Variants in GRIP1 observed in about 807,000 individuals in gnomAD.
GRIP1 encodes the protein glutamate receptor interacting protein 1.
In GRIP1, 45 loss-of-function variants were observed where a neutral mutation model predicts 129.9. That is an observed-to-expected ratio of 0.35 (90% CI 0.27 to 0.44). The LOEUF (loss-of-function observed/expected upper bound fraction) is 0.44, where lower values mean the gene tolerates loss of function less well. Ranked by LOEUF, GRIP1 falls within the 20% of genes least tolerant of loss-of-function variation. The pLI, the probability that GRIP1 is intolerant of heterozygous loss-of-function variation, is 1.00. For synonymous variants in GRIP1, 530 were observed against 520.8 expected (o/e 1.02, Z -0.24); for missense variants, 1,196 against 1,396.8 (o/e 0.86, Z 2.29).
intron 1 of GRIP1, among the ~76,000 whole-genome samples, chr12:66,919,474 T>C (rs539418817): frequency 1.3e-5 from 2 of 152,148 alleles, no homozygotes; most frequent in African/African-American, 2.4e-5. Context: ...TGGGGAAAAA[T>C]TGCAAATTCT....
chr12:66,800,769 T>C (rs1013488024), intron 1 of GRIP1, among the ~76,000 whole-genome samples: 2 of 152,098 alleles, frequency 1.3e-5, no homozygotes, highest in African/African-American at 2.4e-5. Context: ...TATGACAGTT[T>C]TGTAATCAAA....
intron 16 of GRIP1, among the ~76,000 whole-genome samples, chr12:66,400,455 G>C (rs1363620331): frequency 6.6e-6 from 1 of 152,112 alleles, no homozygotes; most frequent in Non-Finnish European, 1.5e-5. Flanking sequence ...GGGTTTAGGG[G>C]AAAAAGCTAC....
intron 1 of GRIP1, among the ~76,000 whole-genome samples, chr12:66,709,483 G>C (rs1391206609): frequency 6.6e-6 from 1 of 151,940 alleles, no homozygotes; most frequent in Non-Finnish European, 1.5e-5. Context: ...GCAAGAGGTT[G>C]TGAAGTCTGT....
At chr12:66,439,374 C>T (rs1371052978) in intron 13 of GRIP1, among the ~76,000 whole-genome samples, 2 of 152,196 alleles carry the variant, frequency 1.3e-5, no homozygotes, top group Non-Finnish European at 1.5e-5. Context: ...ATCTCCTAGA[C>T]ATCAGCTCCC....
intron 1 of GRIP1, among the ~76,000 whole-genome samples, chr12:66,999,240 C>T (rs1288045075): frequency 6.6e-6 from 1 of 152,088 alleles, no homozygotes; most frequent in East Asian, 1.9e-4. Flanking sequence ...TATCAATTTT[C>T]ACAGCACTGA....
chr12:66,450,417 C>T (rs1054191146), intron 11 of GRIP1, among the ~76,000 whole-genome samples: 2 of 142,520 alleles, frequency 1.4e-5, no homozygotes, highest in African/African-American at 5.2e-5. Flanking sequence ...AAAGGAAAGA[C>T]TTGCTATGTT....
chr12:66,896,537 G>A (rs997981163), intron 1 of GRIP1, among the ~76,000 whole-genome samples: 1 of 150,890 alleles, frequency 6.6e-6, no homozygotes, highest in African/African-American at 2.4e-5. Context: ...TAGAAAAGAG[G>A]GTTTTTGTCA....
chr12:66,578,238 T>TTTTTTTG (rs567167499), intron 2 of GRIP1, among the ~76,000 whole-genome samples: 6,130 of 144,468 alleles, frequency 0.042, 463 homozygotes, highest in Admixed American at 0.11. Flanking sequence ...CGCGGTTTTT[T>TTTTTTTG]TTTTTTTTTT....
intron 5 of GRIP1, among the ~76,000 whole-genome samples, chr12:66,523,661 C>A (rs961762836): frequency 6.6e-6 from 1 of 151,128 alleles, no homozygotes; most frequent in African/African-American, 2.4e-5. Context: ...AATGACAGGA[C>A]CAAATTCACA....
intron 1 of GRIP1, among the ~76,000 whole-genome samples, chr12:66,891,489 A>G (rs961403653): frequency 2.0e-4 from 30 of 152,200 alleles, no homozygotes; most frequent in African/African-American, 7.2e-4. Flanking sequence ...AGGTTGCACC[A>G]GAAGGATGTG....
chr12:66,436,757 C>T (rs866905622), intron 13 of GRIP1, among the ~76,000 whole-genome samples: 2 of 151,828 alleles, frequency 1.3e-5, no homozygotes, highest in South Asian at 4.2e-4. Context: ...CTGAGGCAGG[C>T]GGATTGCCTG....
intron 1 of GRIP1, among the ~76,000 whole-genome samples, chr12:66,671,891 G>T (rs2034099640): frequency 6.6e-6 from 1 of 152,084 alleles, no homozygotes; most frequent in South Asian, 2.1e-4. Context: ...ACAATTTAAA[G>T]CACAAAATAA....
intron 1 of GRIP1, among the ~76,000 whole-genome samples, chr12:66,707,686 C>T (rs1290746745): frequency 3.3e-5 from 5 of 151,866 alleles, no homozygotes; most frequent in Non-Finnish European, 7.4e-5. Context: ...CTGCATATTC[C>T]TCTTTTACAA....
intron 1 of GRIP1, among the ~76,000 whole-genome samples, chr12:66,821,152 T>C (rs947499286): frequency 2.6e-5 from 4 of 152,178 alleles, no homozygotes; most frequent in African/African-American, 4.8e-5. Flanking sequence ...AATTTTGTTA[T>C]GAACCAAAGC....
At chr12:66,928,614 C>T (rs189903276) in intron 1 of GRIP1, among the ~76,000 whole-genome samples, 25 of 152,162 alleles carry the variant, frequency 1.6e-4, no homozygotes, top group Admixed American at 1.6e-3. Flanking sequence ...CTAAAAAATA[C>T]CTTACAGATT....
intron 1 of GRIP1, among the ~76,000 whole-genome samples, chr12:66,597,548 G>C (rs1490361614): frequency 2.6e-5 from 4 of 152,066 alleles, no homozygotes; most frequent in Non-Finnish European, 5.9e-5. Flanking sequence ...ACGATGGTTT[G>C]GCAAAAGAAG....
intron 1 of GRIP1, among the ~76,000 whole-genome samples, chr12:67,049,449 A>T (rs1321851319): frequency 6.6e-6 from 1 of 152,156 alleles, no homozygotes; most frequent in Non-Finnish European, 1.5e-5. Flanking sequence ...TTCTCTGCAA[A>T]CTAACACAGG....
In GRIP1 at chr12:66,349,137, T is replaced by G; in HGVS notation, c.3269A>C (p.Gln1090Pro). 2 of 1,614,066 alleles carry G rather than the reference T, an allele frequency of 1.2e-6. No individual in the cohort carries two copies. The highest frequency in any genetic ancestry group is 8.5e-7 in the Non-Finnish European group (1 of 1,179,878). The change falls in exon 25 of 25, where the codon CAG (glutamine) becomes CCG (proline). Residue 1090 changes from glutamine to proline, a missense_variant. Physicochemically the swap from Gln to Pro is moderately conservative, Grantham distance 76. Coordinates refer to ENST00000359742, the MANE Select transcript of GRIP1 (RefSeq NM_001366722.1). The stretch of plus-strand genomic sequence containing the variant: ...TAGACTCTGTTGGTCTATAGACTTC[T>G]GTGAAGCCAGTGGGTTTCTACTAAT... ...LVISRNPLAS[Q>P]KSIDQQSLPG... is the part of the protein sequence containing the mutation.
At chr12:66,488,017 CA>C (rs1343276690) in intron 7 of GRIP1, among the ~76,000 whole-genome samples, 2 of 152,166 alleles carry the variant, frequency 1.3e-5, no homozygotes, top group South Asian at 2.1e-4. Flanking sequence ...TAGACTCCCA[CA>C]CAGTAATAGT....
Sources: gnomAD v4.1 joint callset for allele counts (sites outside exome capture counted in the v4.1 genomes callset) on GRCh38, gnomAD v4.1.1 for gene constraint, MANE v1.5 for transcripts, NCBI Gene and HGNC (gene_info 2026-07-23, HGNC 2026-07-21) for gene names.